Variants in TAFA1 observed in about 807,000 individuals in gnomAD.
The protein encoded by TAFA1 is chemokine-like protein TAFA-1.
A neutral mutation model predicts 18.5 loss-of-function variants in TAFA1; 4 were observed. The observed-to-expected ratio is 0.22, with a 90% confidence interval of 0.11 to 0.49. The LOEUF is 0.49. Ranked by LOEUF, TAFA1 falls within the 20% of genes least tolerant of loss-of-function variation. The probability of loss-of-function intolerance (pLI) is 0.98; values close to 1 mark genes in which losing one functional copy is unlikely to be tolerated. For missense variants in TAFA1, 147 were observed against 169.0 expected (o/e 0.87, Z 0.72); for synonymous variants, 56 against 55.2 (o/e 1.01, Z -0.06).
At chr3:68,452,342 G>GTGAAAC (rs1393063575) in intron 3 of TAFA1, among the ~76,000 whole-genome samples, 1 of 151,900 alleles carries the variant, frequency 6.6e-6, no homozygotes, top group Non-Finnish European at 1.5e-5. Context: ...GACCAACATG[G>GTGAAAC]TGAAACCCCG....
chr3:67,999,942 C>T (rs1451001260), upstream of TAFA1, among the ~76,000 whole-genome samples: 3 of 151,902 alleles, frequency 2.0e-5, no homozygotes, highest in East Asian at 5.8e-4. Flanking sequence ...GCACCTGCCA[C>T]CATACCCAGA....
At chr3:68,534,158 A>G (rs961623703) in intron 3 of TAFA1, among the ~76,000 whole-genome samples, 1 of 152,172 alleles carries the variant, frequency 6.6e-6, no homozygotes, top group African/African-American at 2.4e-5. Context: ...AACAGATGCA[A>G]ACAGCTTTTC....
chr3:68,356,792 G>GCATA (rs754843593), intron 2 of TAFA1, among the ~76,000 whole-genome samples: 6 of 151,890 alleles, frequency 4.0e-5, no homozygotes, highest in Non-Finnish European at 8.8e-5. Flanking sequence ...ATACATACAT[G>GCATA]CATACATACA....
chr3:68,100,701 A>C (rs1369324854), intron 2 of TAFA1, among the ~76,000 whole-genome samples: 3 of 152,220 alleles, frequency 2.0e-5, no homozygotes, highest in Non-Finnish European at 4.4e-5. Context: ...TATCTCTTTC[A>C]ATAATTCAAT....
chr3:68,309,306 A>T (rs986433069), intron 2 of TAFA1, among the ~76,000 whole-genome samples: 7 of 152,228 alleles, frequency 4.6e-5, no homozygotes, highest in African/African-American at 1.7e-4. Flanking sequence ...ATCAATTATA[A>T]TATGCCCAAA....
At chr3:68,433,162 A>G (rs1420142861) in intron 3 of TAFA1, among the ~76,000 whole-genome samples, 6 of 151,982 alleles carry the variant, frequency 3.9e-5, no homozygotes, top group Non-Finnish European at 8.8e-5. Flanking sequence ...GCATCACTCA[A>G]TAGCATTTGC....
intron 2 of TAFA1, among the ~76,000 whole-genome samples, chr3:68,254,172 T>TCTATCTAC (rs139593170): frequency 0.074 from 10,944 of 148,732 alleles, 486 homozygotes; most frequent in East Asian, 0.15. Flanking sequence ...TATCTATCTA[T>TCTATCTAC]CTATCTATCT....
chr3:68,121,461 T>C (rs911305307), intron 2 of TAFA1, among the ~76,000 whole-genome samples: 1 of 152,170 alleles, frequency 6.6e-6, no homozygotes, highest in Non-Finnish European at 1.5e-5. Context: ...CAAGTTTATT[T>C]TTGGTGTTCC....
At chr3:68,481,579 A>C (rs556736327) in intron 3 of TAFA1, among the ~76,000 whole-genome samples, 4 of 152,316 alleles carry the variant, frequency 2.6e-5, no homozygotes, top group Non-Finnish European at 5.9e-5. Context: ...CTCCTTGAAC[A>C]GCTTGCTTAA....
chr3:68,109,199 T>C (rs1164545130), intron 2 of TAFA1, among the ~76,000 whole-genome samples: 1 of 152,162 alleles, frequency 6.6e-6, no homozygotes, highest in Non-Finnish European at 1.5e-5. Context: ...AAAGGTGTTT[T>C]CTTGAGAAGG....
intron 2 of TAFA1, among the ~76,000 whole-genome samples, chr3:68,258,935 G>A (rs971152747): frequency 6.6e-6 from 1 of 152,198 alleles, no homozygotes; most frequent in Admixed American, 6.5e-5. Flanking sequence ...ATCAGGTTCT[G>A]CTGGATTCTG....
At chr3:68,098,872 T>C (rs2106812770) in intron 2 of TAFA1, among the ~76,000 whole-genome samples, 1 of 152,174 alleles carries the variant, frequency 6.6e-6, no homozygotes, top group East Asian at 1.9e-4. Context: ...CCATCTGATC[T>C]TCAACAAAGC....
At chr3:68,512,527 G>C (rs567358126) in intron 3 of TAFA1, among the ~76,000 whole-genome samples, 1 of 152,160 alleles carries the variant, frequency 6.6e-6, no homozygotes, top group East Asian at 1.9e-4. Flanking sequence ...CAAGAGAATT[G>C]GCTAATAATT....
At chr3:68,056,252 A>G (rs1004759912) in intron 2 of TAFA1, among the ~76,000 whole-genome samples, 2 of 152,136 alleles carry the variant, frequency 1.3e-5, no homozygotes, top group Admixed American at 6.6e-5. Flanking sequence ...GCAAAGACCA[A>G]TTCTAGAGAT....
intron 2 of TAFA1, among the ~76,000 whole-genome samples, chr3:68,378,058 G>A (rs946023969): frequency 1.3e-5 from 2 of 152,224 alleles, no homozygotes; most frequent in African/African-American, 4.8e-5. Context: ...GAGAAACTCT[G>A]CTGGGGTAGT....
chr3:68,120,221 CTTTCTTTCTTTCTTT>C (rs2065378956), intron 2 of TAFA1, among the ~76,000 whole-genome samples: 1 of 125,968 alleles, frequency 7.9e-6, no homozygotes, highest in East Asian at 2.2e-4. Context: ...TTCTTTCTTT[CTTTCTTTCTTTCTTT>C]CTTTCTTTCT....
At chr3:68,185,469 A>G (rs2066258157) in intron 2 of TAFA1, among the ~76,000 whole-genome samples, 3 of 152,154 alleles carry the variant, frequency 2.0e-5, no homozygotes, top group Non-Finnish European at 4.4e-5. Context: ...TTGCTCCACC[A>G]GAGTACAGCT....
intron 2 of TAFA1, among the ~76,000 whole-genome samples, chr3:68,393,348 A>G (rs2070302668): frequency 6.6e-6 from 1 of 152,022 alleles, no homozygotes; most frequent in Non-Finnish European, 1.5e-5. Flanking sequence ...AAGTTCTCAA[A>G]TAAAGGCAGT....
chr3:68,293,861 G>A (rs1188871212), intron 2 of TAFA1, among the ~76,000 whole-genome samples: 4 of 152,086 alleles, frequency 2.6e-5, no homozygotes, highest in Non-Finnish European at 4.4e-5. Context: ...GGACTGCTCC[G>A]TCTATCCCTC....
Sources: gnomAD v4.1 joint callset for allele counts (sites outside exome capture counted in the v4.1 genomes callset) on GRCh38, gnomAD v4.1.1 for gene constraint, MANE v1.5 for transcripts, NCBI Gene and HGNC (gene_info 2026-07-23, HGNC 2026-07-21) for gene names.